The following TRPM3 variants were observed in gnomAD, a reference collection of about 807,000 sequenced individuals.
TRPM3 encodes the protein long transient receptor potential channel 3.
Under a neutral mutation model 181.2 loss-of-function variants are expected in TRPM3, and 77 were observed. That is an observed-to-expected ratio of 0.42 (90% CI 0.35 to 0.51). TRPM3 has a LOEUF of 0.51. Ranked by LOEUF, TRPM3 falls within the 20% of genes least tolerant of loss-of-function variation. The pLI, the probability that TRPM3 is intolerant of heterozygous loss-of-function variation, is 0.01. For missense variants in TRPM3, 1,759 were observed against 2,196.7 expected (o/e 0.80, Z 3.98); for synonymous variants, 745 against 796.4 (o/e 0.94, Z 1.09).
rs562158680 is a variant in TRPM3 at position 70,747,551 on chromosome 9, G to A, written c.1272+14050C>T. On this transcript the variant is annotated intron_variant, in intron 8 of 25. Coordinates refer to ENST00000677713, the MANE Select transcript of TRPM3 (RefSeq NM_001366145.2). ...TTCTGTGCTTCAACAAGGGCTATCA[G>A]GCATTTCTATGGCAAGGGGCCAGCA... is the stretch of plus-strand genomic sequence containing the variant. 3.9e-5 allele frequency among the ~76,000 whole-genome samples: 6 copies of A among 152,212 alleles called. No homozygotes were observed. In the South Asian group the frequency reaches 1.2e-3, roughly 32 times the overall value.
intron 1 of TRPM3, among the ~76,000 whole-genome samples, chr9:71,279,955 T>C (rs2084566339): frequency 6.6e-6 from 1 of 151,814 alleles, no homozygotes; most frequent in Non-Finnish European, 1.5e-5. Flanking sequence ...GGCACATGAC[T>C]GTCATCCCAG....
intron 22 of TRPM3, among the ~76,000 whole-genome samples, chr9:70,564,708 G>C (rs1002613324): frequency 6.6e-6 from 1 of 152,138 alleles, no homozygotes; most frequent in African/African-American, 2.4e-5. Flanking sequence ...ATGCACATCA[G>C]GGGACATGAG....
intron 1 of TRPM3, among the ~76,000 whole-genome samples, chr9:71,200,228 G>T (rs1385437330): frequency 2.0e-5 from 3 of 151,984 alleles, no homozygotes; most frequent in African/African-American, 4.8e-5. Context: ...TTGCACTGTG[G>T]TCTGAGAGAC....
At chr9:71,112,010 C>A (rs1435201491) in intron 1 of TRPM3, among the ~76,000 whole-genome samples, 1 of 152,106 alleles carries the variant, frequency 6.6e-6, no homozygotes, top group Non-Finnish European at 1.5e-5. Flanking sequence ...AGTAAAATAA[C>A]CTATGACTAA....
chr9:70,753,539 A>G (rs2076547545), intron 8 of TRPM3, among the ~76,000 whole-genome samples: 1 of 152,210 alleles, frequency 6.6e-6, no homozygotes, highest in Admixed American at 6.5e-5. Flanking sequence ...AGTAATTGAC[A>G]GGTGAGGGAA....
chr9:70,587,354 CAG>C (rs2057318239), intron 22 of TRPM3, among the ~76,000 whole-genome samples: 1 of 152,190 alleles, frequency 6.6e-6, no homozygotes, highest in African/African-American at 2.4e-5. Context: ...TGCCCTGGTA[CAG>C]CCTGGGGAAT....
chr9:70,693,553 T>C (rs1254196771), intron 8 of TRPM3, among the ~76,000 whole-genome samples: 2 of 152,232 alleles, frequency 1.3e-5, no homozygotes, highest in East Asian at 3.8e-4. Context: ...TTCATGTTTG[T>C]CAGGACATCA....
At chr9:71,072,384 T>C (rs2062880806) in intron 1 of TRPM3, among the ~76,000 whole-genome samples, 1 of 152,186 alleles carries the variant, frequency 6.6e-6, no homozygotes, top group African/African-American at 2.4e-5. Flanking sequence ...TGTCTTTCCA[T>C]TCATCTCTTC....
chr9:71,215,751 T>G (rs2079824017), intron 1 of TRPM3, among the ~76,000 whole-genome samples: 2 of 152,228 alleles, frequency 1.3e-5, no homozygotes, highest in African/African-American at 4.8e-5. Context: ...CTGGTGGTTT[T>G]AATTGTGTAA....
At chr9:70,789,879 C>T (rs941672964) in intron 6 of TRPM3, among the ~76,000 whole-genome samples, 11 of 152,274 alleles carry the variant, frequency 7.2e-5, no homozygotes, top group African/African-American at 2.2e-4. Context: ...GCAATTCAGC[C>T]GGGGCTCCCA....
At chr9:71,242,581 T>C (rs1262268508) in intron 1 of TRPM3, among the ~76,000 whole-genome samples, 4 of 152,212 alleles carry the variant, frequency 2.6e-5, no homozygotes, top group African/African-American at 4.8e-5. Flanking sequence ...ACTATCACTA[T>C]TATGGCTATT....
At chr9:70,639,325 G>T in intron 10 of TRPM3, 131 bp from the exon 11 acceptor site, 1 of 983,416 alleles carries the variant, frequency 1.0e-6, no homozygotes, top group Non-Finnish European at 1.5e-6. Flanking sequence ...CTAAGAACAT[G>T]CTAGCAAGAC....
intron 1 of TRPM3, among the ~76,000 whole-genome samples, chr9:71,035,454 G>A (rs952149479): frequency 1.3e-5 from 2 of 152,208 alleles, no homozygotes; most frequent in African/African-American, 4.8e-5. Flanking sequence ...GGCAGCTCAT[G>A]CCTGTAATCC....
intron 1 of TRPM3, among the ~76,000 whole-genome samples, chr9:70,867,198 T>C (rs1400875552): frequency 2.0e-5 from 3 of 151,954 alleles, no homozygotes; most frequent in Non-Finnish European, 1.5e-5. Flanking sequence ...AGGATGAAGG[T>C]AGGACATTAG....
At chr9:71,333,164 T>A (rs2090329489) in intron 1 of TRPM3, among the ~76,000 whole-genome samples, 2 of 151,840 alleles carry the variant, frequency 1.3e-5, no homozygotes, top group African/African-American at 4.8e-5. Flanking sequence ...GTGTATGGAA[T>A]CCCAGCAGGG....
rs117766200 is a variant in TRPM3, at chr9:71,186,211, T to C, written c.183+260442A>G. ...TCCAGTATGGCCTCATCTTACTTAATTATATTTGCAATTACCGTATTTCCA... is the reference window on the plus strand; with the variant it reads ...TCCAGTATGGCCTCATCTTACTTAACTATATTTGCAATTACCGTATTTCCA... On this transcript the variant is annotated intron_variant, in intron 1 of 24. Transcript: ENST00000357533. Among the ~76,000 whole-genome samples the C allele has an allele frequency of 8.6e-3, 1,311 of 152,138 alleles. 13 individuals carry two copies. The highest frequency in any genetic ancestry group is 0.013 in the Non-Finnish European group (876 of 67,990).
chr9:70,577,231 G>C (rs1271323000), intron 22 of TRPM3, among the ~76,000 whole-genome samples: 4 of 152,230 alleles, frequency 2.6e-5, no homozygotes, highest in Non-Finnish European at 4.4e-5. Flanking sequence ...TGGTTGCTAA[G>C]TAAATAAATG....
chr9:70,587,153 T>C (rs2057287326), intron 22 of TRPM3, among the ~76,000 whole-genome samples: 1 of 152,136 alleles, frequency 6.6e-6, no homozygotes, highest in South Asian at 2.1e-4. Context: ...AGGCATTAAG[T>C]AGATTGGATA....
At position 71,407,392 on chromosome 9, in the gene TRPM3, A is replaced by G. The variant is rs928361220; in HGVS notation, c.183+39261T>C. Reference sequence around the variant, plus strand: ...CCCACCCTAATACTGCACTTTTCCAATGGTCTTAGCAAACAGCACACCAGG... The same window carrying G: ...CCCACCCTAATACTGCACTTTTCCAGTGGTCTTAGCAAACAGCACACCAGG... On this transcript the variant is annotated intron_variant, in intron 1 of 24. Transcript: ENST00000357533. Among the ~76,000 whole-genome samples the G allele has an allele frequency of 2.0e-5, 3 of 152,190 alleles. No individual in the cohort carries two copies. In the South Asian group the frequency reaches 6.2e-4, roughly 32 times the overall value.
Sources: gnomAD v4.1 joint callset for allele counts (sites outside exome capture counted in the v4.1 genomes callset) on GRCh38, gnomAD v4.1.1 for gene constraint, MANE v1.5 for transcripts, NCBI Gene and HGNC (gene_info 2026-07-23, HGNC 2026-07-21) for gene names.